Variants in KCNG3 observed in about 807,000 individuals in gnomAD.
KCNG3 encodes the protein potassium voltage-gated channel modifier subfamily G member 3.
KCNG3 carries 15 observed loss-of-function variants against 29.0 expected under a neutral mutation model. The ratio of observed to expected loss-of-function variants is 0.52; its 90% CI spans 0.35 to 0.80. The LOEUF (loss-of-function observed/expected upper bound fraction) is 0.80, where lower values mean the gene tolerates loss of function less well. Ranked by LOEUF, KCNG3 falls within the 30% of genes least tolerant of loss-of-function variation. The pLI, the probability that KCNG3 is intolerant of heterozygous loss-of-function variation, is 0.01. For missense variants in KCNG3, 512 were observed against 605.7 expected, an observed-to-expected ratio of 0.85 and a Z score of 1.62; for synonymous variants, 322 against 248.9, an observed-to-expected ratio of 1.29 and a Z score of -2.76.
intron 1 of KCNG3, among the ~76,000 whole-genome samples, chr2:42,491,805 G>C (rs1044109375): frequency 6.6e-6 from 1 of 152,140 alleles, no homozygotes; most frequent in African/African-American, 2.4e-5. Flanking sequence ...CCGCCGTTCC[G>C]AACATGTACA....
At chr2:42,404,672 G>T in the KCNG3 span, among the ~76,000 whole-genome samples, 1 of 152,134 alleles carries the variant, frequency 6.6e-6, no homozygotes, top group Non-Finnish European at 1.5e-5. Flanking sequence ...AGGTTTCAGT[G>T]AGCTGAGATT....
At chr2:42,474,070 T>A (rs1673360641) in intron 1 of KCNG3, among the ~76,000 whole-genome samples, 1 of 151,792 alleles carries the variant, frequency 6.6e-6, no homozygotes, top group Non-Finnish European at 1.5e-5. Flanking sequence ...GAGAATCGCT[T>A]GAACCCAGGA....
the KCNG3 span, among the ~76,000 whole-genome samples, chr2:42,404,354 C>T: frequency 2.0e-5 from 3 of 152,154 alleles, no homozygotes; most frequent in Non-Finnish European, 4.4e-5. Flanking sequence ...AAATTGTTGA[C>T]AAGGCTAGAG....
Position 42,455,696 on chromosome 2 carries a change from G to C in KCNG3, c.666-11117C>G, listed in dbSNP as rs150825233. 2.0e-3 allele frequency among the ~76,000 whole-genome samples: 304 copies of C among 152,212 alleles called. 1 individual carries two copies. The highest frequency in any genetic ancestry group is 6.8e-3 in the African/African-American group (284 of 41,540). On this transcript the variant is annotated intron_variant, in intron 1 of 1. Transcript: ENST00000306078. Reference sequence around the variant, plus strand: ...AAGTGGGAGGATCACTTGGGCCCAGGAGCTTGGGGCTGCAGTGAACTATGA... The same window carrying C: ...AAGTGGGAGGATCACTTGGGCCCAGCAGCTTGGGGCTGCAGTGAACTATGA...
At chr2:42,401,645 T>C in the KCNG3 span, among the ~76,000 whole-genome samples, 6 of 152,118 alleles carry the variant, frequency 3.9e-5, no homozygotes, top group Non-Finnish European at 7.4e-5. Flanking sequence ...GGTCTCACTA[T>C]GTTGCCCAGG....
In KCNG3 at chr2:42,491,591, C is replaced by CTGTTAGAACTGTTA. The variant is rs1673877984; in HGVS notation, c.665+1245_665+1246insTAACAGTTCTAACA. ...AATAAGTAACTCTTATCTGTAAATT[C>CTGTTAGAACTGTTA]AAAACTGTTAGAACCTAATTCACTA... is the stretch of plus-strand genomic sequence containing the variant. On this transcript the variant is annotated intron_variant, in intron 1 of 1. Transcript: ENST00000306078. 2.6e-5 allele frequency among the ~76,000 whole-genome samples: 4 copies of CTGTTAGAACTGTTA among 152,080 alleles called. No homozygotes were observed. In the South Asian group the frequency reaches 8.3e-4, roughly 32 times the overall value.
At chr2:42,482,761 G>T (rs1040050560) in intron 1 of KCNG3, among the ~76,000 whole-genome samples, 1 of 151,830 alleles carries the variant, frequency 6.6e-6, no homozygotes, top group Admixed American at 6.6e-5. Context: ...AGATGGTGAC[G>T]GTTGCACAAT....
At chr2:42,456,562 T>A (rs901344471) in intron 1 of KCNG3, among the ~76,000 whole-genome samples, 3 of 152,064 alleles carry the variant, frequency 2.0e-5, no homozygotes, top group African/African-American at 7.2e-5. Flanking sequence ...CTGCAAACCA[T>A]CTCTGAGCTC....
chr2:42,482,718 G>C (rs1207335873), intron 1 of KCNG3, among the ~76,000 whole-genome samples: 1 of 152,072 alleles, frequency 6.6e-6, no homozygotes, highest in East Asian at 1.9e-4. Flanking sequence ...AACAGAGCAA[G>C]ACTCCACCTC....
Position 42,493,261 on chromosome 2 carries a change from C to G in KCNG3, c.241G>C (p.Gly81Arg), listed in dbSNP as rs1572872941. Reference sequence around the variant, plus strand: ...ATCCGCGGCGCGAAGCGCAGCTTGCCGTGGCCGCGCACGTAGAGCAGGATG... The same window carrying G: ...ATCCGCGGCGCGAAGCGCAGCTTGCGGTGGCCGCGCACGTAGAGCAGGATG... Reference protein sequence around the residue: ...GFILLYVRGHGKLRFAPRMCE... With the variant: ...GFILLYVRGHRKLRFAPRMCE... The change falls in exon 1 of 2, where the codon GGC (glycine) becomes CGC (arginine). Residue 81 changes from glycine to arginine, a missense_variant. By Grantham distance (125) the Gly-to-Arg change is moderately radical (BLOSUM62 -2). Transcript: ENST00000306078. 2 of 1,612,184 alleles carry G rather than the reference C, an allele frequency of 1.2e-6. No individual in the cohort carries two copies. The highest frequency in any genetic ancestry group is 1.7e-6 in the Non-Finnish European group (2 of 1,179,812).
At chr2:42,481,340 A>C (rs1673578909) in intron 1 of KCNG3, among the ~76,000 whole-genome samples, 1 of 152,152 alleles carries the variant, frequency 6.6e-6, no homozygotes, top group African/African-American at 2.4e-5. Context: ...GCCTGAACCC[A>C]GGACTCAAGG....
At chr2:42,486,123 T>A (rs1019809840) in intron 1 of KCNG3, among the ~76,000 whole-genome samples, 6 of 152,142 alleles carry the variant, frequency 3.9e-5, no homozygotes, top group African/African-American at 1.4e-4. Context: ...GGGAAGCAGA[T>A]CCTGTAGAAA....
chr2:42,431,725 T>G, the KCNG3 span, among the ~76,000 whole-genome samples: 55 of 152,298 alleles, frequency 3.6e-4, no homozygotes, highest in Admixed American at 1.1e-3. Flanking sequence ...ACACTCATGA[T>G]GATGAATTAC....
chr2:42,452,244 T>TATATATATATATA lies in KCNG3; in HGVS notation c.666-7666_666-7665insTATATATATATAT, dbSNP rs1491559721. Among the ~76,000 whole-genome samples the TATATATATATATA allele has an allele frequency of 8.8e-5, 5 of 57,032 alleles. No individual in the cohort carries two copies. In the East Asian group the frequency reaches 2.8e-3, roughly 32 times the overall value. The allele number at this position is 57,032 out of a possible 152,430, so 37.4% of individuals were successfully genotyped here. A position where few individuals can be genotyped will look rare whatever the true frequency, so the allele number is the denominator to read the frequency against. Reference sequence around the variant, plus strand: ...AAATATATATATATATATATATATATTTTTTTTTTTTTTTTAAAGGAAACA... The same window carrying TATATATATATATA: ...AAATATATATATATATATATATATATATATATATATATATTTTTTTTTTTTTTTAAAGGAAACA... On this transcript the variant is annotated intron_variant, in intron 1 of 1. Transcript: ENST00000306078.
rs1285138887 is a variant in KCNG3 at position 42,493,247 on chromosome 2, G to A, written c.255C>T (p.Phe85=). 5.6e-6 allele frequency: 9 copies of A among 1,611,976 alleles called. No individual in the cohort carries two copies. In the African/African-American group the frequency reaches 1.1e-4, roughly 19 times the overall value. ...LYVRGHGKLR[F]APRMCELSFY... is the part of the protein sequence containing the mutation. ...AGGAGAGCTCGCACATCCGCGGCGC[G>A]AAGCGCAGCTTGCCGTGGCCGCGCA... is the stretch of plus-strand genomic sequence containing the variant. The change falls in exon 1 of 2, where the codon TTC becomes TTT. Residue 85 remains phenylalanine, a synonymous_variant. Transcript: ENST00000306078.
chr2:42,453,418 T>C (rs533845488), intron 1 of KCNG3, among the ~76,000 whole-genome samples: 3 of 152,348 alleles, frequency 2.0e-5, no homozygotes, highest in Non-Finnish European at 4.4e-5. Flanking sequence ...TGATATTTCA[T>C]TGTAGTTTTG....
At chr2:42,486,437 A>G (rs1488364741) in intron 1 of KCNG3, among the ~76,000 whole-genome samples, 1 of 152,216 alleles carries the variant, frequency 6.6e-6, no homozygotes, top group African/African-American at 2.4e-5. Flanking sequence ...TAAAACACAT[A>G]TCATAGCTTT....
At chr2:42,492,781 GGGACGGACAGACGCGACA>G in intron 1 of KCNG3, 38 bp downstream of exon 1, 1 of 1,372,998 alleles carries the variant, frequency 7.3e-7, no homozygotes, top group Non-Finnish European at 9.5e-7. Context: ...ACGTATGGAC[GGGACGGACAGACGCGACA>G]GGACGGACGG....
At position 42,493,668 on chromosome 2, in the gene KCNG3, C is replaced by T; in HGVS notation, c.-167G>A. ...CTCCGCTGGCCCGGGGGTCCCTGGG[C>T]TCGAGTATCTCCGGCGCTGCTAGTA... On this transcript the variant is annotated 5_prime_UTR_variant, in exon 1 of 2. Transcript: ENST00000306078. 1 of 468,660 alleles carries T rather than the reference C, an allele frequency of 2.1e-6. No homozygotes were observed. The highest frequency in any genetic ancestry group is 3.3e-6 in the Non-Finnish European group (1 of 299,230). The allele number at this position is 468,660 out of a possible 1,614,324, so 29.0% of individuals were successfully genotyped here.
Sources: allele counts gnomAD v4.1 joint callset (sites outside exome capture counted in the v4.1 genomes callset), GRCh38; gene constraint gnomAD v4.1.1; transcripts MANE v1.5; gene names NCBI Gene and HGNC (gene_info 2026-07-23, HGNC 2026-07-21).